FSD1L: variants seen among roughly 807,000 people sequenced by gnomAD.
The protein encoded by FSD1L is FSD1-like protein.
FSD1L carries 45 observed loss-of-function variants against 71.6 expected under a neutral mutation model. The observed-to-expected ratio is 0.63, with a 90% CI of 0.49 to 0.81. The LOEUF is 0.81. Ranked by LOEUF, FSD1L falls within the 30% of genes least tolerant of loss-of-function variation. The pLI is 0.00. For missense variants in FSD1L, 561 were observed against 618.1 expected (o/e 0.91, Z 0.98); for synonymous variants, 197 against 207.2 (o/e 0.95, Z 0.42).
At chr9:105,520,211 C>G (rs535138802) in intron 10 of FSD1L, 6 of 1,611,116 alleles carry the variant, frequency 3.7e-6, no homozygotes, top group African/African-American at 2.7e-5. Flanking sequence ...TGACTCGCCT[C>G]AAGCACCTGC....
At chr9:105,443,204 G>A (rs113435884), upstream of FSD1L, among the ~76,000 whole-genome samples, 349 of 152,288 alleles carry the variant, frequency 2.3e-3, no homozygotes, top group African/African-American at 8.1e-3. Flanking sequence ...AGACATACTC[G>A]AGACTGGGTA....
chr9:105,484,513 G>A lies in FSD1L; in HGVS notation c.586+11G>A. 1.4e-6 allele frequency: 2 copies of A among 1,468,430 alleles called. No individual in the cohort carries two copies. Among genetic ancestry groups the A allele is most frequent in the Non-Finnish European group, 1.8e-6 (2 of 1,111,984 alleles). The allele number at this position is 1,468,430 out of a possible 1,614,324, so 91.0% of individuals were successfully genotyped here. ...TGAAGTTTTTGCCAGGTAAATACAT[G>A]TATTACATGTAAAGTTTTGTATAAA... On this transcript the variant is annotated intron_variant, in intron 7 of 13. Transcript: ENST00000481272.
intron 4 of FSD1L, among the ~76,000 whole-genome samples, chr9:105,469,103 C>G (rs1227110400): frequency 6.6e-6 from 1 of 152,162 alleles, no homozygotes; most frequent in African/African-American, 2.4e-5. Context: ...GGATTTCCTC[C>G]TTTTTTGTGG....
chr9:105,480,002 A>G lies in FSD1L; in HGVS notation c.464+626A>G, dbSNP rs553179329. On this transcript the variant is annotated intron_variant, in intron 6 of 13. Transcript: ENST00000481272. ...GAAAAGGAATTTAGTACTTGTAATG[A>G]ACATAGATTGCTAAAGGAGTTGCTG... Among the ~76,000 whole-genome samples, 22 of 152,330 alleles carry G rather than the reference A, an allele frequency of 1.4e-4. No individual in the cohort carries two copies. In the South Asian group the frequency reaches 4.3e-3, roughly 30 times the overall value.
chr9:105,462,680 G>A lies in FSD1L; in HGVS notation c.111+1065G>A, dbSNP rs571006151. Among the ~76,000 whole-genome samples the A allele has an allele frequency of 6.4e-3, 968 of 150,162 alleles. 15 individuals carry two copies. The highest frequency in any genetic ancestry group is 0.023 in the African/African-American group (928 of 40,958). The stretch of plus-strand genomic sequence containing the variant: ...TGGGATTACAGGTGCATGCTACCAC[G>A]CCTGGCTAATTTTTGTATTTTTAGT... On this transcript the variant is annotated intron_variant, in intron 2 of 13. Transcript: ENST00000481272.
chr9:105,444,105 G>A (rs1459393151), upstream of FSD1L, among the ~76,000 whole-genome samples: 1 of 152,130 alleles, frequency 6.6e-6, no homozygotes, highest in African/African-American at 2.4e-5. Flanking sequence ...ACAGGGAAAG[G>A]GGGAGTTGTG....
intron 2 of FSD1L, among the ~76,000 whole-genome samples, chr9:105,462,366 G>T (rs749046981): frequency 1.3e-5 from 2 of 149,912 alleles, no homozygotes; most frequent in African/African-American, 2.5e-5. Context: ...GATTACAGGC[G>T]CCCATCACCA....
chr9:105,457,393 A>C (rs977540151), intron 1 of FSD1L, among the ~76,000 whole-genome samples: 1 of 152,216 alleles, frequency 6.6e-6, no homozygotes, highest in African/African-American at 2.4e-5. Context: ...ATGGGAAGCT[A>C]TTGAAGAATA....
chr9:105,464,051 A>G (rs1830895590), intron 2 of FSD1L, among the ~76,000 whole-genome samples, 185 bp from the exon 3 acceptor site: 1 of 152,216 alleles, frequency 6.6e-6, no homozygotes, highest in Non-Finnish European at 1.5e-5. Flanking sequence ...TTAATACAGT[A>G]CAAATATATA....
At chr9:105,448,909 A>G (rs1829807748) in intron 1 of FSD1L, among the ~76,000 whole-genome samples, 1 of 152,226 alleles carries the variant, frequency 6.6e-6, no homozygotes, top group Admixed American at 6.5e-5. Context: ...ACAGTTGAGG[A>G]AAGGTTATAT....
intron 12 of FSD1L, among the ~76,000 whole-genome samples, chr9:105,536,756 C>T (rs1415901189): frequency 6.6e-6 from 1 of 151,480 alleles, no homozygotes; most frequent in African/African-American, 2.5e-5. Flanking sequence ...CTGCCTCAGC[C>T]TCCTGAGTTA....
At chr9:105,454,744 C>G (rs536697716) in intron 1 of FSD1L, among the ~76,000 whole-genome samples, 4 of 152,180 alleles carry the variant, frequency 2.6e-5, no homozygotes, top group African/African-American at 9.6e-5. Context: ...GGGAGATTAC[C>G]TCCTCATATG....
chr9:105,531,300 A>G (rs1003601704), intron 10 of FSD1L, among the ~76,000 whole-genome samples: 1 of 152,216 alleles, frequency 6.6e-6, no homozygotes, highest in Non-Finnish European at 1.5e-5. Context: ...GGTTTGGTTC[A>G]TTTAATTCCT....
At chr9:105,522,838 C>T in intron 10 of FSD1L, 9 of 1,611,458 alleles carry the variant, frequency 5.6e-6, no homozygotes, top group Admixed American at 1.7e-5. Context: ...GGAAGTAGTC[C>T]AGGCAGCCTG....
intron 10 of FSD1L, among the ~76,000 whole-genome samples, chr9:105,533,247 G>C (rs1012682682): frequency 6.6e-6 from 1 of 151,632 alleles, no homozygotes; most frequent in African/African-American, 2.4e-5. Flanking sequence ...GACTGAATCT[G>C]TTTTGAGTTT....
Position 105,493,740 on chromosome 9 carries a change from T to A in FSD1L, c.586+9238T>A, listed in dbSNP as rs548400341. Among the ~76,000 whole-genome samples, 944 of 152,198 alleles carry A rather than the reference T, an allele frequency of 6.2e-3. 10 individuals are homozygous for A. Among genetic ancestry groups the A allele is most frequent in the African/African-American group, 0.02 (829 of 41,544 alleles). ...GCATTTGCTTGTCTGTAAAGTATTTTATTTCTCCTTCACTTATGAAGCTTA... is the reference window on the plus strand; with the variant it reads ...GCATTTGCTTGTCTGTAAAGTATTTAATTTCTCCTTCACTTATGAAGCTTA... On this transcript the variant is annotated intron_variant, in intron 7 of 13. Transcript: ENST00000481272.
At chr9:105,461,249 A>G (rs1830674526) in intron 1 of FSD1L, among the ~76,000 whole-genome samples, 1 of 152,112 alleles carries the variant, frequency 6.6e-6, no homozygotes, top group South Asian at 2.1e-4. Flanking sequence ...ATTATCCAGG[A>G]TGGTAGCTTC....
intron 10 of FSD1L, among the ~76,000 whole-genome samples, chr9:105,528,106 GAGAACT>G (rs1338544626): frequency 6.6e-6 from 1 of 152,162 alleles, no homozygotes; most frequent in African/African-American, 2.4e-5. Flanking sequence ...CATCTTCAAG[GAGAACT>G]ACAAACCACT....
At chr9:105,502,525 C>T (rs1427117982) in intron 7 of FSD1L, among the ~76,000 whole-genome samples, 4 of 152,228 alleles carry the variant, frequency 2.6e-5, no homozygotes, top group Admixed American at 6.5e-5. Flanking sequence ...ATTTTTCCCC[C>T]ATAATGTTTT....
Sources: gnomAD v4.1 joint callset for allele counts (sites outside exome capture counted in the v4.1 genomes callset) on GRCh38, gnomAD v4.1.1 for gene constraint, MANE v1.5 for transcripts, NCBI Gene and HGNC (gene_info 2026-07-23, HGNC 2026-07-21) for gene names.